TUBB3: variants seen among roughly 807,000 people sequenced by gnomAD.
TUBB3 encodes the protein tubulin beta 3 class III.
A neutral mutation model predicts 37.8 loss-of-function variants in TUBB3; 17 were observed. The observed-to-expected ratio is 0.45, with a 90% CI of 0.31 to 0.67. TUBB3 has a LOEUF of 0.67. Among genes scored for constraint, TUBB3 ranks in the 30% least tolerant of loss-of-function variants. TUBB3 has a pLI of 0.07. For synonymous variants in TUBB3, 332 were observed against 278.9 expected (o/e 1.19, Z -1.90); for missense variants, 262 against 657.9 (o/e 0.40, Z 6.58).
chr16:89,924,259 C>T (rs767254682), intron 1 of TUBB3, among the ~76,000 whole-genome samples: 5 of 152,216 alleles, frequency 3.3e-5, no homozygotes, highest in Non-Finnish European at 7.3e-5. Flanking sequence ...GTGCAGGGAC[C>T]CCTGCCTAAA....
intron 1 of TUBB3, among the ~76,000 whole-genome samples, chr16:89,924,447 T>A (rs2029999445): frequency 7.7e-6 from 1 of 129,466 alleles, no homozygotes; most frequent in Admixed American, 7.7e-5. Context: ...CTCCGAACAG[T>A]GTTGGGGAAC....
At chr16:89,934,304 C>T (rs1290538328) in intron 3 of TUBB3, 1 of 474,276 alleles carries the variant, frequency 2.1e-6, no homozygotes, top group Non-Finnish European at 4.2e-6. Flanking sequence ...GAGGGCCTCG[C>T]TTCACTTCTG....
At chr16:89,926,052 C>A (rs1235005710) in intron 1 of TUBB3, among the ~76,000 whole-genome samples, 1 of 152,140 alleles carries the variant, frequency 6.6e-6, no homozygotes, top group African/African-American at 2.4e-5. Context: ...CCGGGGGGGG[C>A]AGGGGCGGGC....
intron 1 of TUBB3, among the ~76,000 whole-genome samples, chr16:89,925,607 A>G (rs959737647): frequency 1.3e-5 from 2 of 151,936 alleles, no homozygotes; most frequent in Admixed American, 1.3e-4. Flanking sequence ...CAGTAATAAT[A>G]GTATCTGATT....
At chr16:89,933,844 A>G in intron 3 of TUBB3, 1 of 696,680 alleles carries the variant, frequency 1.4e-6, no homozygotes, top group South Asian at 1.5e-5. Flanking sequence ...AGCTGGTGAG[A>G]CAGAACGGGG....
Position 89,936,060 on chromosome 16 carries a change from G to A in TUBB3, c.*256G>A, listed in dbSNP as rs577582676. 9 of 583,272 alleles carry A rather than the reference G, an allele frequency of 1.5e-5. No homozygotes were observed. Among genetic ancestry groups the A allele is most frequent in the South Asian group, 4.2e-5 (2 of 47,654 alleles). 36.1% of individuals were successfully genotyped at this position (583,272 alleles called of 1,614,324 possible). On this transcript the variant is annotated 3_prime_UTR_variant, in exon 4 of 4. Coordinates refer to ENST00000315491, the MANE Select transcript of TUBB3 (RefSeq NM_006086.4). ...TTTACTGGTTTGTGTTTATATTTTCGGGGATACTTAATAAATCTATTGCTG... is the reference window on the plus strand; with the variant it reads ...TTTACTGGTTTGTGTTTATATTTTCAGGGATACTTAATAAATCTATTGCTG...
At position 89,932,696 on chromosome 16, in the gene TUBB3, G is replaced by T; in HGVS notation, c.166+17G>T. The T allele has an allele frequency of 6.2e-7, 1 of 1,603,126 alleles. No individual in the cohort carries two copies. Among genetic ancestry groups the T allele is most frequent in the Non-Finnish European group, 8.5e-7 (1 of 1,170,848 alleles). ...AGGCCTCTTGTGAGTGCCTGCCCCA[G>T]CCTCCCTATCCCAGCCCTGGACTGA... is the stretch of plus-strand genomic sequence containing the variant. On this transcript the variant is annotated intron_variant, in intron 2 of 3. Coordinates refer to ENST00000315491, the MANE Select transcript of TUBB3 (RefSeq NM_006086.4).
At position 89,930,867 on chromosome 16, in the gene TUBB3, G is replaced by T. The variant is rs557762694; in HGVS notation, c.58-1704G>T. On this transcript the variant is annotated intron_variant, in intron 1 of 3. Transcript: ENST00000315491. Reference sequence around the variant, plus strand: ...TTTTGAGATGGTGTCTCACTCTGTCGCCCAGGCTGGAGTGCAATGGCATGA... The same window carrying T: ...TTTTGAGATGGTGTCTCACTCTGTCTCCCAGGCTGGAGTGCAATGGCATGA... 4.0e-5 allele frequency among the ~76,000 whole-genome samples: 6 copies of T among 149,158 alleles called. 1 individual carries two copies. The East Asian group carries it at 1.2e-3, about 29-fold the overall frequency.
rs551003880 is a variant in TUBB3, at chr16:89,929,072, C to T, written c.58-3499C>T. 4.0e-5 allele frequency among the ~76,000 whole-genome samples: 6 copies of T among 151,516 alleles called. No individual in the cohort carries two copies. In the South Asian group the frequency reaches 1.0e-3, roughly 26 times the overall value. Reference sequence around the variant, plus strand: ...CTGCCCCCTGGGTTCAAGCGATTCTCGTGTCTCAGACTCTGAAACAACTGA... The same window carrying T: ...CTGCCCCCTGGGTTCAAGCGATTCTTGTGTCTCAGACTCTGAAACAACTGA... On this transcript the variant is annotated intron_variant, in intron 1 of 3. Coordinates refer to ENST00000315491, the MANE Select transcript of TUBB3 (RefSeq NM_006086.4).
chr16:89,930,093 ATTCC>A (rs150813482), intron 1 of TUBB3, among the ~76,000 whole-genome samples: 21,582 of 122,000 alleles, frequency 0.18, 2,603 homozygotes, highest in African/African-American at 0.38. Context: ...TTCTTCCTTC[ATTCC>A]TTCCTTCCTT....
At chr16:89,932,836 C>T (rs1461719865) in intron 2 of TUBB3, 157 bp downstream of exon 2, 14 of 675,778 alleles carry the variant, frequency 2.1e-5, no homozygotes, top group Middle Eastern at 4.7e-4. Context: ...AACTGGATGT[C>T]AGGCATCCAG....
intron 1 of TUBB3, among the ~76,000 whole-genome samples, chr16:89,929,018 A>G (rs927647111): frequency 1.4e-5 from 2 of 142,440 alleles, no homozygotes; most frequent in Non-Finnish European, 3.0e-5. Context: ...GCTGGTGTGC[A>G]GTGGCTTGAT....
Position 89,932,498 on chromosome 16 carries a change from G to T in TUBB3, c.58-73G>T, listed in dbSNP as rs536335634. On this transcript the variant is annotated intron_variant, in intron 1 of 3. Transcript: ENST00000315491. ...CCTAATTTTGTAGTGAGGGCTAAAA[G>T]GCTTCACAAGGGAAAGGGCCTGGCT... 4.2e-5 allele frequency: 55 copies of T among 1,304,248 alleles called. No homozygotes were observed. The African/African-American group carries it at 5.5e-4, about 13-fold the overall frequency. The allele number at this position is 1,304,248 out of a possible 1,614,324, so 80.8% of individuals were successfully genotyped here.
chr16:89,927,847 C>A (rs975732602), intron 1 of TUBB3, among the ~76,000 whole-genome samples: 2 of 152,198 alleles, frequency 1.3e-5, no homozygotes, highest in Non-Finnish European at 2.9e-5. Context: ...AGAGGACTTC[C>A]CATAGATGTG....
chr16:89,927,969 G>A (rs1208434379), intron 1 of TUBB3, among the ~76,000 whole-genome samples: 1 of 152,234 alleles, frequency 6.6e-6, no homozygotes, highest in Non-Finnish European at 1.5e-5. Context: ...CAAGTGGACT[G>A]CCAGCAACTA....
At chr16:89,924,116 C>G (rs937860924) in intron 1 of TUBB3, among the ~76,000 whole-genome samples, 2 of 152,228 alleles carry the variant, frequency 1.3e-5, no homozygotes, top group Non-Finnish European at 2.9e-5. Flanking sequence ...CAGGGTCTAC[C>G]AGTCTGGGGA....
At chr16:89,933,865 A>T in intron 3 of TUBB3, 1 of 683,268 alleles carries the variant, frequency 1.5e-6, no homozygotes, top group South Asian at 1.5e-5. Context: ...CCTCCAGAGG[A>T]CTCCGGGGTC....
chr16:89,923,438 G>A lies in TUBB3; in HGVS notation c.37G>A (p.Gly13Ser). ...CGTGCACATCCAGGCCGGCCAGTGC[G>A]GCAACCAGATCGGGGCCAAGGTGAG... ...EIVHIQAGQC[G>S]NQIGAKFWEV... The change falls in exon 1 of 4, where the codon GGC becomes AGC. Residue 13 changes from glycine (G) to serine (S), a missense_variant. Physicochemically the swap from Gly to Ser is moderately conservative, Grantham distance 56. Transcript: ENST00000315491. 1 of 1,514,138 alleles carries A rather than the reference G, an allele frequency of 6.6e-7. No individual in the cohort carries two copies. Among genetic ancestry groups the A allele is most frequent in the Non-Finnish European group, 8.8e-7 (1 of 1,130,874 alleles). 93.8% of individuals were successfully genotyped at this position (1,514,138 alleles called of 1,614,324 possible).
chr16:89,925,881 C>A (rs1316048026), intron 1 of TUBB3, among the ~76,000 whole-genome samples: 2 of 152,214 alleles, frequency 1.3e-5, no homozygotes, highest in African/African-American at 4.8e-5. Flanking sequence ...AAAGCCGGGT[C>A]CCGGGCGGTC....
Sources: gnomAD v4.1 joint callset for allele counts (sites outside exome capture counted in the v4.1 genomes callset) on GRCh38, gnomAD v4.1.1 for gene constraint, MANE v1.5 for transcripts, NCBI Gene and HGNC (gene_info 2026-07-23, HGNC 2026-07-21) for gene names.